IGFBP7: variants seen among roughly 807,000 people sequenced by gnomAD.
IGFBP7 encodes the protein insulin-like growth factor-binding protein 7.
IGFBP7 carries 31 observed loss-of-function variants against 29.4 expected under a neutral mutation model. That is an observed-to-expected ratio of 1.05 (90% confidence interval 0.79 to 1.42). The LOEUF (loss-of-function observed/expected upper bound fraction) is 1.42, where lower values mean the gene tolerates loss of function less well. Ranked by LOEUF, IGFBP7 falls within the 40% of genes most tolerant of loss-of-function variation. The pLI, the probability that IGFBP7 is intolerant of heterozygous loss-of-function variation, is 0.00. For missense variants in IGFBP7, 393 were observed against 395.5 expected, an observed-to-expected ratio of 0.99 and a Z score of 0.05; for synonymous variants, 172 against 174.9, an observed-to-expected ratio of 0.98 and a Z score of 0.13.
At chr4:57,052,649 C>T (rs1724532432) in intron 1 of IGFBP7, among the ~76,000 whole-genome samples, 1 of 152,130 alleles carries the variant, frequency 6.6e-6, no homozygotes, top group East Asian at 1.9e-4. Context: ...TGCTTAGCTT[C>T]CAGGCACGTA....
intron 1 of IGFBP7, among the ~76,000 whole-genome samples, chr4:57,063,343 C>A (rs1371149597): frequency 1.3e-5 from 2 of 152,152 alleles, no homozygotes; most frequent in Admixed American, 6.6e-5. Flanking sequence ...GCTGCATACC[C>A]CATTAGATCG....
intron 1 of IGFBP7, among the ~76,000 whole-genome samples, chr4:57,078,989 C>A (rs918882925): frequency 3.3e-5 from 5 of 152,210 alleles, no homozygotes; most frequent in African/African-American, 7.2e-5. Context: ...ATACCTCCTG[C>A]TGCGGTGGCT....
chr4:57,054,738 C>T (rs11726321), intron 1 of IGFBP7, among the ~76,000 whole-genome samples: 125,605 of 151,828 alleles, frequency 0.83, 52,426 homozygotes, highest in East Asian at 0.94. Flanking sequence ...TTCAGGAGAG[C>T]TGGACTTGCT....
intron 2 of IGFBP7, among the ~76,000 whole-genome samples, chr4:57,037,159 G>A (rs1724101532): frequency 6.6e-6 from 1 of 152,172 alleles, no homozygotes; most frequent in African/African-American, 2.4e-5. Flanking sequence ...CGCTACATTA[G>A]TTCCAGGAGT....
intron 1 of IGFBP7, among the ~76,000 whole-genome samples, chr4:57,054,461 C>A (rs1718872): frequency 4.6e-5 from 7 of 151,340 alleles, no homozygotes; most frequent in East Asian, 2.0e-4. Context: ...GGTGAAAACC[C>A]GTCTCTACTA....
At chr4:57,085,653 C>T (rs1291872992) in intron 1 of IGFBP7, among the ~76,000 whole-genome samples, 1 of 152,136 alleles carries the variant, frequency 6.6e-6, no homozygotes, top group Non-Finnish European at 1.5e-5. Context: ...TTCTCTCTCT[C>T]ACTCTTCTCT....
intron 1 of IGFBP7, among the ~76,000 whole-genome samples, chr4:57,106,465 G>A (rs1726034211): frequency 6.6e-6 from 1 of 152,130 alleles, no homozygotes; most frequent in Non-Finnish European, 1.5e-5. Context: ...AAAGCATAGA[G>A]ACATATGTGC....
chr4:57,085,319 T>C (rs759131613), intron 1 of IGFBP7, among the ~76,000 whole-genome samples: 2 of 152,190 alleles, frequency 1.3e-5, no homozygotes, highest in Non-Finnish European at 2.9e-5. Flanking sequence ...GTATGCTAGA[T>C]CTGCTCTGCA....
intron 1 of IGFBP7, among the ~76,000 whole-genome samples, chr4:57,047,156 G>T (rs1724383030): frequency 6.6e-6 from 1 of 152,188 alleles, no homozygotes; most frequent in Non-Finnish European, 1.5e-5. Flanking sequence ...GGGTTGGGGG[G>T]TACGCGGTGG....
At chr4:57,042,807 T>C (rs1208706516) in intron 1 of IGFBP7, among the ~76,000 whole-genome samples, 5 of 152,242 alleles carry the variant, frequency 3.3e-5, no homozygotes, top group African/African-American at 1.2e-4. Flanking sequence ...GCTGAGACTG[T>C]ATGGCTAAAA....
At chr4:57,049,868 A>G (rs544582176) in intron 1 of IGFBP7, among the ~76,000 whole-genome samples, 1 of 152,278 alleles carries the variant, frequency 6.6e-6, no homozygotes, top group South Asian at 2.1e-4. Context: ...GATTAGCCAA[A>G]CAGAAGTGAA....
At chr4:57,052,159 C>T (rs1051399330) in intron 1 of IGFBP7, among the ~76,000 whole-genome samples, 8 of 151,934 alleles carry the variant, frequency 5.3e-5, no homozygotes, top group Non-Finnish European at 8.8e-5. Context: ...AACTCAAGGT[C>T]GCAGCAATGA....
chr4:57,101,293 A>G (rs1311984645), intron 1 of IGFBP7, among the ~76,000 whole-genome samples: 1 of 152,166 alleles, frequency 6.6e-6, no homozygotes. Context: ...TTACTGTGGG[A>G]ACTTCATATC....
chr4:57,062,673 G>A (rs1047670836), intron 1 of IGFBP7, among the ~76,000 whole-genome samples: 1 of 152,150 alleles, frequency 6.6e-6, no homozygotes, highest in African/African-American at 2.4e-5. Context: ...GTGAAAATCA[G>A]TATTTGAAAA....
chr4:57,100,213 G>A (rs906252123), intron 1 of IGFBP7, among the ~76,000 whole-genome samples: 9 of 151,808 alleles, frequency 5.9e-5, no homozygotes, highest in Non-Finnish European at 5.9e-5. Flanking sequence ...GGGACTACAG[G>A]TGCTTCCCAC....
At chr4:57,078,178 C>A (rs1725274611) in intron 1 of IGFBP7, among the ~76,000 whole-genome samples, 1 of 152,110 alleles carries the variant, frequency 6.6e-6, no homozygotes, top group South Asian at 2.1e-4. Context: ...TGTTCACTGA[C>A]TGCTCACTAT....
intron 1 of IGFBP7, among the ~76,000 whole-genome samples, chr4:57,043,073 G>A (rs1416958751): frequency 2.0e-5 from 3 of 152,250 alleles, no homozygotes; most frequent in Non-Finnish European, 2.9e-5. Context: ...CTGGCTTCCC[G>A]GCATCTGCAA....
intron 2 of IGFBP7, among the ~76,000 whole-genome samples, chr4:57,034,829 C>T (rs1374189532): frequency 6.6e-6 from 1 of 152,148 alleles, no homozygotes; most frequent in Non-Finnish European, 1.5e-5. Flanking sequence ...AATTTTCCCA[C>T]ATTGCCACTA....
chr4:57,067,186 T>C (rs1193082372), intron 1 of IGFBP7, among the ~76,000 whole-genome samples: 1 of 152,224 alleles, frequency 6.6e-6, no homozygotes, highest in African/African-American at 2.4e-5. Flanking sequence ...ATGTTCTTTG[T>C]ACCTGCCATC....
Sources: gnomAD v4.1 joint callset for allele counts (sites outside exome capture counted in the v4.1 genomes callset) on GRCh38, gnomAD v4.1.1 for gene constraint, MANE v1.5 for transcripts, NCBI Gene and HGNC (gene_info 2026-07-23, HGNC 2026-07-21) for gene names.